LRP5: variants seen among roughly 807,000 people sequenced by gnomAD.
LRP5 encodes the protein LDL receptor related protein 5.
Under a neutral mutation model 154.1 loss-of-function variants are expected in LRP5, and 62 were observed. The ratio of observed to expected loss-of-function variants is 0.40; its 90% confidence interval spans 0.33 to 0.50. LRP5 has a LOEUF of 0.50. Ranked by LOEUF, LRP5 falls within the 20% of genes least tolerant of loss-of-function variation. The pLI is 0.55. For missense variants in LRP5, 1,915 were observed against 2,336.7 expected, an observed-to-expected ratio of 0.82 and a Z score of 3.72; for synonymous variants, 966 against 1,011.5, an observed-to-expected ratio of 0.96 and a Z score of 0.85.
chr11:68,357,661 G>T lies in LRP5; in HGVS notation c.500G>T (p.Trp167Leu), dbSNP rs770383372. 15 of 1,614,006 alleles carry T rather than the reference G, an allele frequency of 9.3e-6. No homozygotes were observed. The highest frequency in any genetic ancestry group is 1.2e-5 in the Non-Finnish European group (14 of 1,179,964). ...ALDPAHGYMY[W>L]TDWGETPRIE... Reference sequence around the variant, plus strand: ...TGCCCCCGTCACAGGTACATGTACTGGACAGACTGGGGTGAGACGCCCCGG... The same window carrying T: ...TGCCCCCGTCACAGGTACATGTACTTGACAGACTGGGGTGAGACGCCCCGG... Residue 167 changes from tryptophan (W) to leucine (L), a missense_variant, in exon 3 of 23, where the codon TGG (tryptophan) becomes TTG (leucine). Physicochemically the swap from Trp to Leu is moderately conservative, Grantham distance 61 (BLOSUM62 -2). Around this residue, in one of 3 missense-constraint regions of LRP5, gnomAD observed 773 missense variants for 1,100.9 expected, o/e 0.70. Transcript: ENST00000294304.
At chr11:68,299,395 A>G in the LRP5 span, among the ~76,000 whole-genome samples, 4 of 152,236 alleles carry the variant, frequency 2.6e-5, no homozygotes, top group East Asian at 7.7e-4. Context: ...TCTAGAAGAC[A>G]GATGCAGCGG....
At chr11:68,304,477 T>C in the LRP5 span, among the ~76,000 whole-genome samples, 2 of 152,088 alleles carry the variant, frequency 1.3e-5, no homozygotes, top group Non-Finnish European at 2.9e-5. Context: ...AAATGTGGGG[T>C]TGGAGGCCCC....
intron 1 of LRP5, among the ~76,000 whole-genome samples, chr11:68,337,247 C>T (rs2098606225): frequency 6.6e-6 from 1 of 152,092 alleles, no homozygotes; most frequent in African/African-American, 2.4e-5. Flanking sequence ...CAAGAGGAGC[C>T]CGGAAGCAGA....
At chr11:68,305,887 C>G in the LRP5 span, among the ~76,000 whole-genome samples, 1 of 152,190 alleles carries the variant, frequency 6.6e-6, no homozygotes, top group Non-Finnish European at 1.5e-5. Flanking sequence ...TAACAAATTA[C>G]CACAAATCTG....
chr11:68,400,938 C>T (rs186031395), intron 7 of LRP5, among the ~76,000 whole-genome samples: 1 of 152,112 alleles, frequency 6.6e-6, no homozygotes, highest in Admixed American at 6.5e-5. Flanking sequence ...TTTGGTAGAT[C>T]GAAACCTGGA....
chr11:68,407,085 C>G (rs1478508047), intron 9 of LRP5, among the ~76,000 whole-genome samples: 1 of 152,116 alleles, frequency 6.6e-6, no homozygotes, highest in Non-Finnish European at 1.5e-5. Context: ...ACCCCACCCA[C>G]TCCCTTGTCG....
At position 68,400,071 on chromosome 11, in the gene LRP5, C is replaced by T. The variant is rs368733862; in HGVS notation, c.1585-3412C>T. On this transcript the variant is annotated intron_variant, in intron 7 of 22. Coordinates refer to ENST00000294304, the MANE Select transcript of LRP5 (RefSeq NM_002335.4). ...CCACCATAGGGGTCTCTGTGGGAGG[C>T]TCTGCCCATCCAGGAGATTCCGCAG... is the stretch of plus-strand genomic sequence containing the variant. 3.1e-4 allele frequency among the ~76,000 whole-genome samples: 47 copies of T among 152,218 alleles called. No homozygotes were observed. The East Asian group carries it at 4.3e-3, about 14-fold the overall frequency.
At chr11:68,360,837 A>T (rs1001283785) in intron 3 of LRP5, among the ~76,000 whole-genome samples, 5 of 150,756 alleles carry the variant, frequency 3.3e-5, no homozygotes, top group Non-Finnish European at 7.4e-5. Flanking sequence ...CTCTACTAAA[A>T]ATACAAAACA....
chr11:68,327,486 G>GC (rs921825998), intron 1 of LRP5, among the ~76,000 whole-genome samples: 1 of 152,182 alleles, frequency 6.6e-6, no homozygotes, highest in South Asian at 2.1e-4. Flanking sequence ...TCTTTCAGTT[G>GC]CCCCCCCTTA....
At chr11:68,337,227 A>G (rs1283302240) in intron 1 of LRP5, among the ~76,000 whole-genome samples, 1 of 152,130 alleles carries the variant, frequency 6.6e-6, no homozygotes, top group Non-Finnish European at 1.5e-5. Flanking sequence ...TGCGGGGTGG[A>G]CAGTTAGACC....
chr11:68,338,133 C>T lies in LRP5; in HGVS notation c.92-9714C>T, dbSNP rs148514348. ...TCTCTTCCATCATGCTGGCACTGGACGCAGGATCATTCCTGACTGATTAAT... is the reference window on the plus strand; with the variant it reads ...TCTCTTCCATCATGCTGGCACTGGATGCAGGATCATTCCTGACTGATTAAT... On this transcript the variant is annotated intron_variant, in intron 1 of 22. Transcript: ENST00000294304. Among the ~76,000 whole-genome samples the T allele has an allele frequency of 2.5e-4, 38 of 152,330 alleles. 1 individual carries two copies. The highest frequency in any genetic ancestry group is 3.9e-4 in the Admixed American group (6 of 15,304).
rs146264359 is a variant in LRP5 at position 68,386,380 on chromosome 11, G to A, written c.1080G>A (p.Pro360=). ...TDLRRISLDT[P]DFTDIVLQVD... ...TACGGAGGATCTCGCTGGACACGCC[G>A]GACTTCACCGACATCGTGCTGCAGG... is the stretch of plus-strand genomic sequence containing the variant. The change falls in exon 6 of 23, where the codon CCG becomes CCA. Residue 360 remains proline, a synonymous_variant. Coordinates refer to ENST00000294304, the MANE Select transcript of LRP5 (RefSeq NM_002335.4). This position sits in a 1 kb window ranked among gnomAD's most constrained non-coding sequence, Gnocchi z 7.9. The A allele has an allele frequency of 1.2e-4, 191 of 1,613,578 alleles. No individual in the cohort carries two copies. Among genetic ancestry groups the A allele is most frequent in the Middle Eastern group, 6.6e-4 (4 of 6,084 alleles).
At chr11:68,333,696 T>C (rs2153120900) in intron 1 of LRP5, among the ~76,000 whole-genome samples, 1 of 152,276 alleles carries the variant, frequency 6.6e-6, no homozygotes, top group African/African-American at 2.4e-5. Flanking sequence ...TTAAATGTGG[T>C]TTGAATTTTA....
At chr11:68,342,263 C>T (rs779140758) in intron 1 of LRP5, among the ~76,000 whole-genome samples, 2 of 152,088 alleles carry the variant, frequency 1.3e-5, no homozygotes, top group Admixed American at 6.6e-5. Context: ...TCCCTCCCGT[C>T]GGGTTCTGCT....
intron 2 of LRP5, 40 bp downstream of exon 2, chr11:68,348,283 G>C (rs755362115): frequency 6.3e-7 from 1 of 1,599,412 alleles, no homozygotes; most frequent in Non-Finnish European, 8.5e-7. Context: ...CAGGGGGCGG[G>C]GAGTGTCACC....
In LRP5 at chr11:68,423,543, G is replaced by A. The variant is rs1209062729; in HGVS notation, c.3082G>A (p.Asp1028Asn). ...CCAAAACCCAGACAGGCAGCCCCAC[G>A]ACCTCAGCATCGACATCTACAGCCG... The part of the protein sequence containing the change: ...QGQNPDRQPH[D>N]LSIDIYSRTL... Residue 1028 changes from aspartate (D) to asparagine (N), a missense_variant, in exon 14 of 23, where the codon GAC (aspartate) becomes AAC (asparagine). Asp to Asn is a conservative substitution (Grantham distance 23). This residue lies in a region of LRP5 where 1,094 missense variants were observed against 1,210.1 expected (regional missense o/e 0.90). Transcript: ENST00000294304. This position sits in a 1 kb window ranked among gnomAD's most constrained non-coding sequence, Gnocchi z 4.7. The A allele has an allele frequency of 1.2e-6, 2 of 1,614,186 alleles. No individual in the cohort carries two copies. The highest frequency in any genetic ancestry group is 1.7e-6 in the Non-Finnish European group (2 of 1,180,030).
At chr11:68,388,387 T>C (rs1032214982) in intron 6 of LRP5, among the ~76,000 whole-genome samples, 14 of 152,000 alleles carry the variant, frequency 9.2e-5, no homozygotes, top group Admixed American at 8.5e-4. Context: ...CCTGGTTTCA[T>C]GAGTCTGAGG....
rs572517576 is a variant in LRP5, at chr11:68,404,171, G to A, written c.1801+472G>A. The A allele has an allele frequency of 3.4e-5, 15 of 440,380 alleles. 1 individual carries two copies. The highest frequency in any genetic ancestry group is 1.4e-4 in the East Asian group (3 of 21,984). 27.3% of individuals were successfully genotyped at this position (440,380 alleles called of 1,614,324 possible). ...ACCTGAAAGCCAGGATCTTCAGGACGCTCCCCGAGGAGGTCGTTGTCTGGC... is the reference window on the plus strand; with the variant it reads ...ACCTGAAAGCCAGGATCTTCAGGACACTCCCCGAGGAGGTCGTTGTCTGGC... On this transcript the variant is annotated intron_variant, in intron 8 of 22. Transcript: ENST00000294304.
intron 6 of LRP5, among the ~76,000 whole-genome samples, chr11:68,387,111 CT>C (rs1383343164): frequency 1.3e-5 from 2 of 148,890 alleles, no homozygotes; most frequent in Admixed American, 1.3e-4. Context: ...GGCCAGGCCT[CT>C]TTTTTTCTTT....
Sources: allele counts gnomAD v4.1 joint callset (sites outside exome capture counted in the v4.1 genomes callset), GRCh38; gene constraint gnomAD v4.1.1; regional missense constraint gnomAD v4.1.1; non-coding constraint Gnocchi (gnomAD v3.1); transcripts MANE v1.5; gene names NCBI Gene and HGNC (gene_info 2026-07-23, HGNC 2026-07-21).